Variants in ZDHHC8 observed in about 807,000 individuals in gnomAD.
ZDHHC8 encodes zDHHC palmitoyltransferase 8, also known as palmitoyltransferase ZDHHC8.
In ZDHHC8, 24 loss-of-function variants were observed where a neutral mutation model predicts 61.2. That is an observed-to-expected ratio of 0.39 (90% CI 0.28 to 0.55). The LOEUF (loss-of-function observed/expected upper bound fraction) is 0.55. Among genes scored for constraint, ZDHHC8 ranks in the 20% least tolerant of loss-of-function variants. The pLI is 0.60. For synonymous variants in ZDHHC8, 523 were observed against 492.5 expected (o/e 1.06, Z -0.82); for missense variants, 935 against 1,102.1 (o/e 0.85, Z 2.15).
rs140712422 is a variant in ZDHHC8, at chr22:20,145,385, C to T, written c.2283C>T (p.Tyr761=). The change falls in exon 11 of 11, where the codon TAC becomes TAT. Residue 761 remains tyrosine (Y), a synonymous_variant. Transcript: ENST00000334554. The part of the protein sequence containing the change: ...KKVSGVGGTT[Y]EISV ...TGTCCGGCGTGGGTGGGACCACCTA[C>T]GAGATCTCGGTGTGAGGACTGACTG... is the stretch of plus-strand genomic sequence containing the variant. 6.9e-5 allele frequency: 107 copies of T among 1,557,424 alleles called. No individual in the cohort carries two copies. The highest frequency in any genetic ancestry group is 4.2e-5 in the African/African-American group (3 of 72,148).
Position 20,145,888 on chromosome 22 carries a change from C to A in ZDHHC8, c.*488C>A. 1 of 985,932 alleles carries A rather than the reference C, an allele frequency of 1.0e-6. No homozygotes were observed. Among genetic ancestry groups the A allele is most frequent in the Non-Finnish European group, 1.2e-6 (1 of 830,156 alleles). The allele number at this position is 985,932 out of a possible 1,614,324, so 61.1% of individuals were successfully genotyped here. On this transcript the variant is annotated 3_prime_UTR_variant, in exon 11 of 11. Transcript: ENST00000334554. ...CCCGCCAGGCTACTCCTAACTAACG[C>A]GTTGCCTTTCACGGACCCCGCTGGA...
Position 20,143,572 on chromosome 22 carries a change from G to C in ZDHHC8, c.1942G>C (p.Ala648Pro), listed in dbSNP as rs146328735. Residue 648 changes from alanine to proline, a missense_variant, in exon 10 of 11, where the codon GCT becomes CCT. Physicochemically the swap from Ala to Pro is conservative, Grantham distance 27. Around this residue, in one of 3 missense-constraint regions of ZDHHC8, gnomAD observed 692 missense variants for 731.4 expected, o/e 0.95. Transcript: ENST00000334554. ...GCGGACGTCGTCCTCCTCCCTGCAG[G>C]CTGATCAGGCCAGCAGCAACGCCCC... ...APRTSSSSLQ[A>P]DQASSNAPGP... 1.3e-5 allele frequency: 21 copies of C among 1,598,526 alleles called. No individual in the cohort carries two copies. The highest frequency in any genetic ancestry group is 1.8e-5 in the Non-Finnish European group (21 of 1,176,570).
Position 20,143,168 on chromosome 22 carries a change from C to T in ZDHHC8, c.1538C>T (p.Ala513Val). The change falls in exon 10 of 11, where the codon GCA becomes GTA. Residue 513 changes from alanine to valine, a missense_variant. Coordinates refer to ENST00000334554, the MANE Select transcript of ZDHHC8 (RefSeq NM_013373.4). Reference sequence around the variant, plus strand: ...CACTCACCCTACCTGCATCCTGGGGCAACGGGCGACCCGCCACGGCCCCTA... The same window carrying T: ...CACTCACCCTACCTGCATCCTGGGGTAACGGGCGACCCGCCACGGCCCCTA... ...GYHSPYLHPG[A>V]TGDPPRPLPR... 6.2e-7 allele frequency: 1 copy of T among 1,611,064 alleles called. No individual in the cohort carries two copies. Among genetic ancestry groups the T allele is most frequent in the Admixed American group, 1.7e-5 (1 of 60,000 alleles).
rs1239213922 is a variant in ZDHHC8, at chr22:20,142,858, C to T, written c.1228C>T (p.Leu410=). 9 of 1,612,316 alleles carry T rather than the reference C, an allele frequency of 5.6e-6. No individual in the cohort carries two copies. The highest frequency in any genetic ancestry group is 7.6e-6 in the Non-Finnish European group (9 of 1,179,854). ...LDLPDYGPGG[L]HAAYPPSPPL... Reference sequence around the variant, plus strand: ...CCTCCCTGACTATGGGCCAGGGGGCCTGCATGCAGCCTACCCGCCATCCCC... The same window carrying T: ...CCTCCCTGACTATGGGCCAGGGGGCTTGCATGCAGCCTACCCGCCATCCCC... Residue 410 remains leucine, a synonymous_variant, in exon 10 of 11, where the codon CTG becomes TTG. Coordinates refer to ENST00000334554, the MANE Select transcript of ZDHHC8 (RefSeq NM_013373.4).
chr22:20,141,182 A>C, intron 7 of ZDHHC8, 35 bp from the exon 8 acceptor site: 1 of 1,598,412 alleles, frequency 6.3e-7, no homozygotes, highest in Non-Finnish European at 8.5e-7. Flanking sequence ...CCCCTCATCC[A>C]AGCCCCACAC....
rs546458054 is a variant in ZDHHC8, at chr22:20,145,984, C to T, written c.*584C>T. The T allele has an allele frequency of 2.2e-4, 217 of 985,832 alleles. No individual in the cohort carries two copies. The highest frequency in any genetic ancestry group is 1.0e-3 in the Middle Eastern group (2 of 1,914). 61.1% of individuals were successfully genotyped at this position (985,832 alleles called of 1,614,324 possible). The stretch of plus-strand genomic sequence containing the variant: ...GGGTGGTGGTGGATAGGTGGACAGA[C>T]GGCCAGCCAGCCAGCTGTGGCCGGG... On this transcript the variant is annotated 3_prime_UTR_variant, in exon 11 of 11. Coordinates refer to ENST00000334554, the MANE Select transcript of ZDHHC8 (RefSeq NM_013373.4).
chr22:20,134,355 G>A, intron 1 of ZDHHC8, among the ~76,000 whole-genome samples: 1 of 152,260 alleles, frequency 6.6e-6, no homozygotes, highest in East Asian at 1.9e-4. Flanking sequence ...AGACTGCTCA[G>A]TTCCTGAGAA....
rs1338673708 is a variant in ZDHHC8 at position 20,139,481 on chromosome 22, A to G, written c.230A>G (p.Asp77Gly). 6.2e-7 allele frequency: 1 copy of G among 1,613,420 alleles called. No homozygotes were observed. The highest frequency in any genetic ancestry group is 8.5e-7 in the Non-Finnish European group (1 of 1,179,906). Residue 77 changes from aspartate (D) to glycine (G), a missense_variant, in exon 3 of 11, where the codon GAT becomes GGT. Asp to Gly is a moderately conservative substitution (Grantham distance 94, BLOSUM62 -1). Transcript: ENST00000334554. ...FMDPGVFPRA[D>G]EDEDKEDDFR... ...CTGCCTGGCTCCTGGTCTGTAGCGG[A>G]TGAGGATGAGGACAAGGAGGACGAC...
intron 10 of ZDHHC8, among the ~76,000 whole-genome samples, chr22:20,144,560 A>G (rs930041103): frequency 6.6e-6 from 1 of 152,210 alleles, no homozygotes; most frequent in African/African-American, 2.4e-5. Flanking sequence ...AGCCCAGGCC[A>G]CTTGGCCACA....
chr22:20,143,036 C>A lies in ZDHHC8; in HGVS notation c.1406C>A (p.Ala469Glu). Residue 469 changes from alanine (A) to glutamate (E), a missense_variant, in exon 10 of 11, where the codon GCA becomes GAA. Around this residue, in one of 3 missense-constraint regions of ZDHHC8, gnomAD observed 692 missense variants for 731.4 expected, o/e 0.95. Transcript: ENST00000334554. ...TPHRSIFAPH[A>E]LPNRNGSLSY... ...CACCGTAGCATTTTTGCCCCCCATG[C>A]ACTGCCCAACCGCAACGGCAGCCTG... 1 of 1,612,520 alleles carries A rather than the reference C, an allele frequency of 6.2e-7. No homozygotes were observed. Among genetic ancestry groups the A allele is most frequent in the East Asian group, 2.2e-5 (1 of 44,854 alleles).
chr22:20,131,882 C>T lies in ZDHHC8; in HGVS notation c.-66C>T. 1.4e-6 allele frequency: 1 copy of T among 700,156 alleles called. No individual in the cohort carries two copies. The highest frequency in any genetic ancestry group is 6.0e-5 in the South Asian group (1 of 16,556). The allele number at this position is 700,156 out of a possible 1,614,324, so 43.4% of individuals were successfully genotyped here. On this transcript the variant is annotated 5_prime_UTR_variant, in exon 1 of 11. Transcript: ENST00000334554. ...CGCGTCCAGCCCGCCCGCCCGACCCCGGCCCGACCCCGGCCGGCCCTGCCC... is the reference window on the plus strand; with the variant it reads ...CGCGTCCAGCCCGCCCGCCCGACCCTGGCCCGACCCCGGCCGGCCCTGCCC...
rs1266099963 is a variant in ZDHHC8 at position 20,131,947 on chromosome 22, G to A, written c.-1G>A. 6.7e-6 allele frequency: 8 copies of A among 1,194,400 alleles called. No homozygotes were observed. The highest frequency in any genetic ancestry group is 7.4e-6 in the Non-Finnish European group (7 of 949,866). The allele number at this position is 1,194,400 out of a possible 1,614,324, so 74.0% of individuals were successfully genotyped here. A position where few individuals can be genotyped will look rare whatever the true frequency, so the allele number is the denominator to read the frequency against. On this transcript the variant is annotated 5_prime_UTR_variant, in exon 1 of 11. Coordinates refer to ENST00000334554, the MANE Select transcript of ZDHHC8 (RefSeq NM_013373.4). ...AGGGATGCGGCGGCGCGGCGCCCAG[G>A]ATGCCCCGCAGCCCCGGGACGCGCC...
chr22:20,141,103 G>A, intron 7 of ZDHHC8, 91 bp downstream of exon 7: 3 of 1,592,940 alleles, frequency 1.9e-6, no homozygotes, highest in Non-Finnish European at 2.6e-6. Flanking sequence ...GGTGGATGGG[G>A]CAGACAGAGC....
intron 9 of ZDHHC8, among the ~76,000 whole-genome samples, chr22:20,141,880 C>T (rs1368249729): frequency 6.6e-6 from 1 of 152,356 alleles, no homozygotes; most frequent in Admixed American, 6.5e-5. Flanking sequence ...ACCAGGATGC[C>T]TGGAATTCCA....
At position 20,143,303 on chromosome 22, in the gene ZDHHC8, G is replaced by A. The variant is rs753939759; in HGVS notation, c.1673G>A (p.Arg558Lys). 3 of 1,602,898 alleles carry A rather than the reference G, an allele frequency of 1.9e-6. No individual in the cohort carries two copies. The highest frequency in any genetic ancestry group is 1.1e-5 in the South Asian group (1 of 90,544). Residue 558 changes from arginine (R) to lysine (K), a missense_variant, in exon 10 of 11, where the codon AGG (arginine) becomes AAG (lysine). Arg to Lys is a conservative substitution (Grantham distance 26). Transcript: ENST00000334554. ...IMASIQERKD[R>K]EERERLLRSQ... ...GCATCCATCCAGGAGCGCAAGGACA[G>A]GGAGGAGCGTGAGCGCCTGCTGCGC...
chr22:20,145,587 C>T lies in ZDHHC8; in HGVS notation c.*187C>T, dbSNP rs1013087985. 54 of 1,263,316 alleles carry T rather than the reference C, an allele frequency of 4.3e-5. 1 individual carries two copies. In the Admixed American group the frequency reaches 1.7e-3, roughly 40 times the overall value. The allele number at this position is 1,263,316 out of a possible 1,614,324, so 78.3% of individuals were successfully genotyped here. ...GCGCTCTGCCTGCCCGTCCACTCAT[C>T]TGCCCATGGGGAAGTCGGCTCACTG... On this transcript the variant is annotated 3_prime_UTR_variant, in exon 11 of 11. Transcript: ENST00000334554.
At chr22:20,141,695 AC>A (rs1009113789) in intron 9 of ZDHHC8, among the ~76,000 whole-genome samples, 165 bp downstream of exon 9, 4 of 152,102 alleles carry the variant, frequency 2.6e-5, no homozygotes, top group Admixed American at 6.5e-5. Context: ...TGCCTGGGTC[AC>A]CAAGGGCCTT....
rs1463944436 is a variant in ZDHHC8, at chr22:20,145,694, G to A, written c.*294G>A. On this transcript the variant is annotated 3_prime_UTR_variant, in exon 11 of 11. Coordinates refer to ENST00000334554, the MANE Select transcript of ZDHHC8 (RefSeq NM_013373.4). The stretch of plus-strand genomic sequence containing the variant: ...AGGGGGCCCAGTCAGCCTCTTTGGG[G>A]CACCCTCTCTCAGCCAGGCTTGGCC... 1.9e-6 allele frequency: 2 copies of A among 1,055,798 alleles called. No homozygotes were observed. The highest frequency in any genetic ancestry group is 2.3e-6 in the Non-Finnish European group (2 of 875,434). The allele number at this position is 1,055,798 out of a possible 1,614,324, so 65.4% of individuals were successfully genotyped here. A position where few individuals can be genotyped will look rare whatever the true frequency, so the allele number is the denominator to read the frequency against.
intron 2 of ZDHHC8, 39 bp from the exon 3 acceptor site, chr22:20,139,439 A>G (rs1174151379): frequency 3.1e-6 from 5 of 1,608,410 alleles, no homozygotes; most frequent in South Asian, 1.1e-5. Flanking sequence ...CTGCCAGGAA[A>G]GTCAACTTCC....
Sources: gnomAD v4.1 joint callset for allele counts (sites outside exome capture counted in the v4.1 genomes callset) on GRCh38, gnomAD v4.1.1 for gene constraint, gnomAD v4.1.1 regional missense constraint, MANE v1.5 for transcripts, NCBI Gene and HGNC (gene_info 2026-07-23, HGNC 2026-07-21) for gene names.